The following COL5A2 variants were observed in gnomAD, a reference collection of about 807,000 sequenced individuals.
The protein encoded by COL5A2 is collagen type V alpha 2 chain.
COL5A2 carries 23 observed loss-of-function variants against 208.2 expected under a neutral mutation model. The observed-to-expected ratio is 0.11, with a 90% CI of 0.08 to 0.16. COL5A2 has a LOEUF of 0.16. Among genes scored for constraint, COL5A2 ranks in the 10% least tolerant of loss-of-function variants. The pLI is 1.00. For synonymous variants in COL5A2, 625 were observed against 628.5 expected, an observed-to-expected ratio of 0.99 and a Z score of 0.08; for missense variants, 1,590 against 1,956.4, an observed-to-expected ratio of 0.81 and a Z score of 3.53.
chr2:189,092,374 C>G lies in COL5A2; in HGVS notation c.503G>C (p.Gly168Ala). The G allele has an allele frequency of 6.2e-7, 1 of 1,608,448 alleles. No homozygotes were observed. Among genetic ancestry groups the G allele is most frequent in the South Asian group, 1.1e-5 (1 of 89,504 alleles). Residue 168 changes from glycine to alanine, a missense_variant, in exon 7 of 54, where the codon GGT (glycine) becomes GCT (alanine). Coordinates refer to ENST00000374866, the MANE Select transcript of COL5A2 (RefSeq NM_000393.5). Reference sequence around the variant, plus strand: ...AGGAGGTCCTGGAGCACCAGGTTGACCAGGAACACCTGGTTCTCCATCAAT... The same window carrying G: ...AGGAGGTCCTGGAGCACCAGGTTGAGCAGGAACACCTGGTTCTCCATCAAT... ...QGIDGEPGVP[G>A]QPGAPGPPGH...
chr2:189,365,281 C>G, the COL5A2 span, among the ~76,000 whole-genome samples: 3 of 152,210 alleles, frequency 2.0e-5, no homozygotes. Context: ...CAGTTGCTTT[C>G]TACTCACTGA....
intron 18 of COL5A2, among the ~76,000 whole-genome samples, chr2:189,069,964 A>G (rs1049631346): frequency 1.3e-5 from 2 of 152,348 alleles, no homozygotes; most frequent in Admixed American, 1.3e-4. Context: ...TTCTTTGATA[A>G]GAATTAAAAG....
At chr2:189,202,462 A>C in intron 1 of COL5A2, among the ~76,000 whole-genome samples, 1 of 152,164 alleles carries the variant, frequency 6.6e-6, no homozygotes, top group East Asian at 1.9e-4. Context: ...GGAGACTAGA[A>C]TAACCTTGAC....
chr2:189,409,635 T>C, the COL5A2 span, among the ~76,000 whole-genome samples: 8 of 152,162 alleles, frequency 5.3e-5, no homozygotes, highest in African/African-American at 1.9e-4. Flanking sequence ...TTAAAAACTA[T>C]TCACTTAATT....
chr2:189,086,942 AGC>A (rs1228595307), intron 8 of COL5A2, among the ~76,000 whole-genome samples, 172 bp from the exon 9 acceptor site: 1 of 152,230 alleles, frequency 6.6e-6, no homozygotes, highest in Non-Finnish European at 1.5e-5. Flanking sequence ...AGGAGATTAA[AGC>A]TTGGACAACA....
At chr2:189,440,226 T>C in the COL5A2 span, among the ~76,000 whole-genome samples, 1 of 152,228 alleles carries the variant, frequency 6.6e-6, no homozygotes, top group Admixed American at 6.5e-5. Flanking sequence ...ATTGTATTTC[T>C]CCACCATAAA....
At chr2:189,085,326 T>C in intron 10 of COL5A2, 113 bp from the exon 11 acceptor site, 1 of 971,238 alleles carries the variant, frequency 1.0e-6, no homozygotes, top group Non-Finnish European at 1.6e-6. Context: ...TTGAAACAAA[T>C]GAAAATGATA....
intron 18 of COL5A2, among the ~76,000 whole-genome samples, chr2:189,069,391 G>C (rs1055560919): frequency 6.6e-6 from 1 of 152,008 alleles, no homozygotes; most frequent in African/African-American, 2.4e-5. Context: ...TTTACTTTTA[G>C]TATGTTCTTA....
At chr2:189,211,259 T>G (rs139979900) in intron 1 of COL5A2, among the ~76,000 whole-genome samples, 1 of 152,218 alleles carries the variant, frequency 6.6e-6, no homozygotes, top group Admixed American at 6.5e-5. Context: ...TTCCAAAATT[T>G]CATTGTTCTT....
At chr2:189,363,334 T>A in the COL5A2 span, among the ~76,000 whole-genome samples, 3 of 152,094 alleles carry the variant, frequency 2.0e-5, no homozygotes, top group African/African-American at 7.2e-5. Context: ...AGGAAGCATA[T>A]TTCTTATAGG....
At chr2:189,243,774 T>C in the COL5A2 span, among the ~76,000 whole-genome samples, 1 of 152,152 alleles carries the variant, frequency 6.6e-6, no homozygotes, top group East Asian at 1.9e-4. Context: ...ACAAGGCAAG[T>C]CCCCTCTGCC....
At chr2:189,198,947 C>A (rs1474563035) in intron 1 of COL5A2, among the ~76,000 whole-genome samples, 1 of 152,054 alleles carries the variant, frequency 6.6e-6, no homozygotes, top group East Asian at 1.9e-4. Flanking sequence ...TTTTTTTCAA[C>A]CACTTTATAT....
intron 6 of COL5A2, among the ~76,000 whole-genome samples, chr2:189,096,621 CAAAAA>C (rs777945216): frequency 1.4e-5 from 1 of 71,134 alleles, no homozygotes; most frequent in East Asian, 3.9e-4. Context: ...GACTCCGTCT[CAAAAA>C]AAAAAAAAAA....
intron 33 of COL5A2, 21 bp downstream of exon 33, chr2:189,058,408 T>G: frequency 4.0e-4 from 619 of 1,566,934 alleles, no homozygotes; most frequent in Non-Finnish European, 4.9e-4. Flanking sequence ...TTTAAAACAC[T>G]GAGATCACTA....
chr2:189,349,739 C>A, the COL5A2 span, among the ~76,000 whole-genome samples: 1 of 152,136 alleles, frequency 6.6e-6, no homozygotes, highest in African/African-American at 2.4e-5. Flanking sequence ...TTTATTGGAA[C>A]AAACTAACTC....
At chr2:189,239,736 T>A in the COL5A2 span, among the ~76,000 whole-genome samples, 1 of 151,424 alleles carries the variant, frequency 6.6e-6, no homozygotes, top group Admixed American at 6.6e-5. Flanking sequence ...AACCTACACA[T>A]TGTGCACATG....
chr2:189,323,217 C>T, the COL5A2 span, among the ~76,000 whole-genome samples: 2 of 152,244 alleles, frequency 1.3e-5, no homozygotes, highest in Admixed American at 6.5e-5. Context: ...CAATATCATA[C>T]TGAATGGGCA....
At chr2:189,069,703 A>T (rs999578985) in intron 18 of COL5A2, among the ~76,000 whole-genome samples, 1 of 152,324 alleles carries the variant, frequency 6.6e-6, no homozygotes, top group African/African-American at 2.4e-5. Context: ...CACTGTAAAA[A>T]GTCTATATAA....
chr2:189,353,791 G>A, the COL5A2 span, among the ~76,000 whole-genome samples: 1 of 151,860 alleles, frequency 6.6e-6, no homozygotes, highest in African/African-American at 2.4e-5. Context: ...TCTTTCTATT[G>A]CCTGATTGCC....
Sources: gnomAD v4.1 joint callset for allele counts (sites outside exome capture counted in the v4.1 genomes callset) on GRCh38, gnomAD v4.1.1 for gene constraint, MANE v1.5 for transcripts, NCBI Gene and HGNC (gene_info 2026-07-23, HGNC 2026-07-21) for gene names.